The following PDE1A variants were observed in gnomAD, a reference collection of about 807,000 sequenced individuals.
PDE1A encodes dual specificity calcium/calmodulin-dependent 3',5'-cyclic nucleotide phosphodiesterase 1A.
In PDE1A, 35 loss-of-function variants were observed where a neutral mutation model predicts 61.7. The ratio of observed to expected loss-of-function variants is 0.57; its 90% CI spans 0.43 to 0.75. The LOEUF is 0.75. Among genes scored for constraint, PDE1A ranks in the 30% least tolerant of loss-of-function variants. PDE1A has a pLI of 0.00. For synonymous variants in PDE1A, 232 were observed against 213.2 expected, an observed-to-expected ratio of 1.09 and a Z score of -0.77; for missense variants, 597 against 630.6, an observed-to-expected ratio of 0.95 and a Z score of 0.57.
At chr2:182,572,711 A>C in the PDE1A span, among the ~76,000 whole-genome samples, 2 of 152,042 alleles carry the variant, frequency 1.3e-5, no homozygotes, top group African/African-American at 4.8e-5. Context: ...TCTACTAAAA[A>C]TACAAAAAAT....
At chr2:182,621,023 T>C in the PDE1A span, among the ~76,000 whole-genome samples, 1 of 152,172 alleles carries the variant, frequency 6.6e-6, no homozygotes, top group Admixed American at 6.5e-5. Context: ...GCAGTTCATC[T>C]ACTCCCTGGA....
At chr2:182,503,344 C>A (rs1689209269) in intron 2 of PDE1A, among the ~76,000 whole-genome samples, 1 of 152,138 alleles carries the variant, frequency 6.6e-6, no homozygotes, top group African/African-American at 2.4e-5. Context: ...GAGAAGTCTT[C>A]TTAAAACATA....
intron 1 of PDE1A, among the ~76,000 whole-genome samples, chr2:182,330,178 T>C (rs1001193574): frequency 6.6e-6 from 1 of 152,042 alleles, no homozygotes; most frequent in African/African-American, 2.4e-5. Context: ...ACCCCATCTC[T>C]ACTAAAAATA....
chr2:182,254,234 C>A (rs1368459288), intron 2 of PDE1A, among the ~76,000 whole-genome samples: 1 of 151,940 alleles, frequency 6.6e-6, no homozygotes, highest in African/African-American at 2.4e-5. Context: ...AATAGGAAAA[C>A]CAACCAAAAA....
At chr2:182,560,793 T>C in the PDE1A span, among the ~76,000 whole-genome samples, 2 of 152,002 alleles carry the variant, frequency 1.3e-5, no homozygotes, top group African/African-American at 4.8e-5. Context: ...GTGGTTTTGA[T>C]TTGCATTTCT....
intron 2 of PDE1A, among the ~76,000 whole-genome samples, chr2:182,248,930 C>G (rs1275861663): frequency 6.6e-6 from 1 of 152,168 alleles, no homozygotes; most frequent in Non-Finnish European, 1.5e-5. Context: ...AGGGTAGGAG[C>G]ATATTTCATC....
chr2:182,176,113 T>C (rs1692749615), intron 13 of PDE1A, among the ~76,000 whole-genome samples: 1 of 149,082 alleles, frequency 6.7e-6, no homozygotes, highest in Non-Finnish European at 1.5e-5. Context: ...TGAAGTCAGG[T>C]AGTGTGATGC....
chr2:182,229,974 C>A, intron 6 of PDE1A, 32 bp downstream of exon 6: 1 of 1,580,836 alleles, frequency 6.3e-7, no homozygotes, highest in Non-Finnish European at 8.6e-7. Flanking sequence ...TGCTTCCAAA[C>A]TAACAAACCT....
At chr2:182,656,320 A>G in the PDE1A span, among the ~76,000 whole-genome samples, 1 of 152,272 alleles carries the variant, frequency 6.6e-6, no homozygotes, top group African/African-American at 2.4e-5. Context: ...AACATTCATT[A>G]CAATCAAAAC....
intron 1 of PDE1A, among the ~76,000 whole-genome samples, chr2:182,344,233 G>GCAT (rs1315669605): frequency 6.6e-6 from 1 of 151,658 alleles, no homozygotes; most frequent in African/African-American, 2.4e-5. Context: ...TTATATTTTT[G>GCAT]CATCATACTA....
At chr2:182,369,622 T>C (rs1700019553) in intron 1 of PDE1A, among the ~76,000 whole-genome samples, 2 of 151,296 alleles carry the variant, frequency 1.3e-5, no homozygotes, top group Non-Finnish European at 2.9e-5. Context: ...TCAGAAGTGA[T>C]AAATCCTGCA....
intron 1 of PDE1A, among the ~76,000 whole-genome samples, chr2:182,393,182 A>G (rs1701516199): frequency 6.6e-6 from 1 of 152,240 alleles, no homozygotes; most frequent in Admixed American, 6.5e-5. Flanking sequence ...AAATCTAGGC[A>G]GAGGTTCCCA....
the PDE1A span, among the ~76,000 whole-genome samples, chr2:182,634,634 C>T: frequency 6.6e-6 from 1 of 152,144 alleles, no homozygotes; most frequent in African/African-American, 2.4e-5. Flanking sequence ...ATGTTACCCT[C>T]GCCTTGAAAT....
the PDE1A span, among the ~76,000 whole-genome samples, chr2:182,568,171 A>C: frequency 2.0e-5 from 3 of 152,090 alleles, no homozygotes; most frequent in African/African-American, 7.2e-5. Flanking sequence ...GTTAAATTTA[A>C]ATTTAAAATG....
chr2:182,665,479 T>C, the PDE1A span, among the ~76,000 whole-genome samples: 1 of 152,168 alleles, frequency 6.6e-6, no homozygotes, highest in African/African-American at 2.4e-5. Context: ...TTGACATCAC[T>C]GATCATTAGA....
chr2:182,335,397 T>A (rs1211849777), intron 1 of PDE1A, among the ~76,000 whole-genome samples: 2 of 152,184 alleles, frequency 1.3e-5, no homozygotes, highest in Admixed American at 6.6e-5. Flanking sequence ...CAAAACAGCA[T>A]GGTACTGATA....
At chr2:182,239,609 G>GA (rs3835905) in intron 3 of PDE1A, among the ~76,000 whole-genome samples, 8 of 150,274 alleles carry the variant, frequency 5.3e-5, no homozygotes, top group South Asian at 2.1e-4. Flanking sequence ...CAGAAATGTT[G>GA]AAAAAAAAAA....
chr2:182,560,311 G>A, the PDE1A span, among the ~76,000 whole-genome samples: 6 of 148,268 alleles, frequency 4.0e-5, no homozygotes, highest in African/African-American at 1.5e-4. Context: ...AGAATATGCG[G>A]TGTTTGGTTT....
the PDE1A span, among the ~76,000 whole-genome samples, chr2:182,536,926 G>T: frequency 1.3e-5 from 2 of 152,232 alleles, no homozygotes; most frequent in East Asian, 3.9e-4. Context: ...TGACTAAGGA[G>T]ACCCACGTGT....
Sources: allele counts gnomAD v4.1 joint callset (sites outside exome capture counted in the v4.1 genomes callset), GRCh38; gene constraint gnomAD v4.1.1; transcripts MANE v1.5; gene names NCBI Gene and HGNC (gene_info 2026-07-23, HGNC 2026-07-21).